ZC3H12B: variants seen among roughly 807,000 people sequenced by gnomAD.
ZC3H12B encodes the protein zinc finger CCCH-type containing 12B.
In ZC3H12B, 7 loss-of-function variants were observed where a neutral mutation model predicts 43.9. The ratio of observed to expected loss-of-function variants is 0.16; its 90% CI spans 0.09 to 0.30. The LOEUF (loss-of-function observed/expected upper bound fraction) is 0.30, where lower values mean the gene tolerates loss of function less well. ZC3H12B is among the 10% of genes least tolerant of loss of function. The probability of loss-of-function intolerance (pLI) is 1.00; values close to 1 mark genes in which losing one functional copy is unlikely to be tolerated. For missense variants in ZC3H12B, 475 were observed against 670.2 expected, an observed-to-expected ratio of 0.71 and a Z score of 3.22; for synonymous variants, 222 against 241.7, an observed-to-expected ratio of 0.92 and a Z score of 0.76.
the ZC3H12B span, among the ~76,000 whole-genome samples, chrX:65,081,753 G>T: frequency 9.0e-6 from 1 of 111,465 alleles, no homozygotes; most frequent in Non-Finnish European, 1.9e-5. Context: ...AAAATAATCA[G>T]ACTTAATCTA....
At chrX:65,444,210 T>C (rs752787377) in intron 3 of ZC3H12B, among the ~76,000 whole-genome samples, 41 of 112,425 alleles carry the variant, frequency 3.6e-4, no homozygotes, top group African/African-American at 1.2e-3. Context: ...GCTTGCAAAT[T>C]ACATCTTATA....
At chrX:65,380,477 C>T (rs1455305620) in intron 2 of ZC3H12B, among the ~76,000 whole-genome samples, 2 of 111,693 alleles carry the variant, frequency 1.8e-5, no homozygotes, top group African/African-American at 3.3e-5. Flanking sequence ...TGGAAAGGAA[C>T]AACCGGTACC....
chrX:65,071,447 A>G, the ZC3H12B span, among the ~76,000 whole-genome samples: 3 of 110,106 alleles, frequency 2.7e-5, no homozygotes. Context: ...AATTTAGCCC[A>G]TTTCCATTCA....
At chrX:65,103,118 C>T in the ZC3H12B span, among the ~76,000 whole-genome samples, 1 of 111,189 alleles carries the variant, frequency 9.0e-6, no homozygotes, top group Non-Finnish European at 1.9e-5. Context: ...ATTTCCTCGT[C>T]CTAATAGGCC....
the ZC3H12B span, among the ~76,000 whole-genome samples, chrX:65,167,359 G>A: frequency 2.7e-5 from 3 of 111,444 alleles, no homozygotes; most frequent in African/African-American, 6.5e-5. Context: ...TTGTAGATGT[G>A]TGGTATTATT....
chrX:65,084,199 C>T, the ZC3H12B span, among the ~76,000 whole-genome samples: 1 of 111,589 alleles, frequency 9.0e-6, no homozygotes, highest in African/African-American at 3.3e-5. Context: ...TTGGTCTGGG[C>T]AAAGATTTTT....
At chrX:65,059,783 G>C in the ZC3H12B span, among the ~76,000 whole-genome samples, 1 of 111,415 alleles carries the variant, frequency 9.0e-6, no homozygotes, top group Non-Finnish European at 1.9e-5. Context: ...ATTTTGATAG[G>C]GATTGCATTG....
At chrX:65,055,933 A>G in the ZC3H12B span, among the ~76,000 whole-genome samples, 1 of 111,604 alleles carries the variant, frequency 9.0e-6, no homozygotes, top group African/African-American at 3.3e-5. Context: ...CAGTGGTGAT[A>G]TCCCCTTTAT....
intron 3 of ZC3H12B, among the ~76,000 whole-genome samples, chrX:65,440,427 A>C (rs1473050348): frequency 8.9e-6 from 1 of 112,677 alleles, no homozygotes; most frequent in African/African-American, 3.2e-5. Context: ...TAGGCATATC[A>C]AAAGCAGTGA....
the ZC3H12B span, among the ~76,000 whole-genome samples, chrX:65,214,486 C>G: frequency 9.0e-6 from 1 of 111,640 alleles, no homozygotes; most frequent in Non-Finnish European, 1.9e-5. Context: ...GATTCCACTT[C>G]AAAAACTTCT....
At chrX:65,163,347 T>C in the ZC3H12B span, among the ~76,000 whole-genome samples, 2 of 111,523 alleles carry the variant, frequency 1.8e-5, no homozygotes, top group African/African-American at 6.5e-5. Flanking sequence ...GCTGTCTTTT[T>C]GTTTGTCTGT....
At chrX:65,387,553 T>G (rs1251130998) in intron 2 of ZC3H12B, among the ~76,000 whole-genome samples, 2 of 112,160 alleles carry the variant, frequency 1.8e-5, no homozygotes. Flanking sequence ...TGAGATGGGT[T>G]TCCTGAATAC....
chrX:65,240,410 G>T, the ZC3H12B span, among the ~76,000 whole-genome samples: 1 of 111,669 alleles, frequency 9.0e-6, no homozygotes, highest in South Asian at 3.7e-4. Context: ...ATGTTTTAAG[G>T]CTCCATCAGG....
At chrX:65,131,514 G>T in the ZC3H12B span, among the ~76,000 whole-genome samples, 1 of 111,355 alleles carries the variant, frequency 9.0e-6, no homozygotes. Flanking sequence ...GTTAGGGAGA[G>T]TTAGTGTGGG....
intron 2 of ZC3H12B, among the ~76,000 whole-genome samples, chrX:65,396,400 C>T (rs773879602): frequency 6.3e-5 from 7 of 111,655 alleles, no homozygotes; most frequent in Admixed American, 2.8e-4. Flanking sequence ...TCATTGGTTT[C>T]GAATAACTTA....
At chrX:65,250,918 C>A in the ZC3H12B span, among the ~76,000 whole-genome samples, 3 of 111,571 alleles carry the variant, frequency 2.7e-5, no homozygotes, top group Non-Finnish European at 3.8e-5. Context: ...GTTTCTTTTG[C>A]TGTGCAGAAG....
chrX:65,314,768 G>A, the ZC3H12B span, among the ~76,000 whole-genome samples: 1 of 110,392 alleles, frequency 9.1e-6, no homozygotes, highest in East Asian at 2.8e-4. Context: ...TTTCCTTAGT[G>A]TATATATATA....
chrX:65,131,823 G>A, the ZC3H12B span, among the ~76,000 whole-genome samples: 1 of 111,735 alleles, frequency 8.9e-6, no homozygotes, highest in Non-Finnish European at 1.9e-5. Flanking sequence ...TTGAGCTTTG[G>A]AGGGGGATAC....
intron 3 of ZC3H12B, among the ~76,000 whole-genome samples, chrX:65,476,913 C>G (rs1294530269): frequency 9.2e-6 from 1 of 108,733 alleles, no homozygotes; most frequent in Non-Finnish European, 1.9e-5. Flanking sequence ...CCTCTGCCTC[C>G]CAGGTTCAAG....
Sources: gnomAD v4.1 joint callset for allele counts (sites outside exome capture counted in the v4.1 genomes callset) on GRCh38, gnomAD v4.1.1 for gene constraint, MANE v1.5 for transcripts, NCBI Gene and HGNC (gene_info 2026-07-23, HGNC 2026-07-21) for gene names.